Variants in HMGXB3 observed in about 807,000 individuals in gnomAD.
HMGXB3 encodes the protein HMG-box containing 3.
A neutral mutation model predicts 121.5 loss-of-function variants in HMGXB3; 45 were observed. The observed-to-expected ratio is 0.37, with a 90% CI of 0.29 to 0.47. The LOEUF (loss-of-function observed/expected upper bound fraction) is 0.47, where lower values mean the gene tolerates loss of function less well. Ranked by LOEUF, HMGXB3 falls within the 20% of genes least tolerant of loss-of-function variation. The pLI, the probability that HMGXB3 is intolerant of heterozygous loss-of-function variation, is 0.99. For synonymous variants in HMGXB3, 590 were observed against 624.1 expected (o/e 0.95, Z 0.81); for missense variants, 1,376 against 1,602.2 (o/e 0.86, Z 2.41).
chr5:150,047,771 G>C lies in HMGXB3; in HGVS notation c.3084+14G>C. 1 of 1,551,684 alleles carries C rather than the reference G, an allele frequency of 6.4e-7. No homozygotes were observed. Among genetic ancestry groups the C allele is most frequent in the Non-Finnish European group, 8.7e-7 (1 of 1,146,936 alleles). On this transcript the variant is annotated intron_variant, in intron 17 of 19. Coordinates refer to ENST00000502717, the MANE Select transcript of HMGXB3 (RefSeq NM_014983.3). The stretch of plus-strand genomic sequence containing the variant: ...GAAGACTCCAAGGTGAGTGTCAAGG[G>C]CAGTGGTGGATATCGGGGCTTCTGG...
intron 3 of HMGXB3, 85 bp from the exon 4 acceptor site, chr5:150,010,026 C>CAT (rs1009777430): frequency 5.0e-4 from 672 of 1,356,612 alleles, no homozygotes; most frequent in East Asian, 3.8e-3. Flanking sequence ...AGAACTTACA[C>CAT]ATATATATAT....
intron 13 of HMGXB3, among the ~76,000 whole-genome samples, chr5:150,038,378 C>T (rs1342452388): frequency 1.3e-5 from 2 of 152,168 alleles, no homozygotes; most frequent in Non-Finnish European, 2.9e-5. Context: ...CTCTTGCCAA[C>T]AGTTAACAAA....
intron 5 of HMGXB3, among the ~76,000 whole-genome samples, chr5:150,015,500 C>G (rs1755939703): frequency 6.6e-6 from 1 of 152,158 alleles, no homozygotes; most frequent in Non-Finnish European, 1.5e-5. Flanking sequence ...GTTGCCCAGG[C>G]TGGTCTTAGA....
chr5:150,024,798 A>G, intron 7 of HMGXB3, 118 bp downstream of exon 7: 1 of 873,042 alleles, frequency 1.1e-6, no homozygotes, highest in African/African-American at 1.7e-5. Context: ...TTCCTGTTTT[A>G]GAGATACAGA....
chr5:150,047,657 A>G lies in HMGXB3; in HGVS notation c.2984A>G (p.Glu995Gly), dbSNP rs1581267815. 2 of 1,551,706 alleles carry G rather than the reference A, an allele frequency of 1.3e-6. No individual in the cohort carries two copies. Among genetic ancestry groups the G allele is most frequent in the Non-Finnish European group, 1.7e-6 (2 of 1,146,996 alleles). Residue 995 changes from glutamate to glycine, a missense_variant, in exon 17 of 20, where the codon GAG becomes GGG. Glu to Gly is a moderately conservative substitution (Grantham distance 98). Transcript: ENST00000502717. ...AGTGCCTTGGTGAGGCTGCTCCAGGAGGGCACCTGCAAGCTTGATGAGATT... is the reference window on the plus strand; with the variant it reads ...AGTGCCTTGGTGAGGCTGCTCCAGGGGGGCACCTGCAAGCTTGATGAGATT... ...SGSALVRLLQ[E>G]GTCKLDEIGS... is the part of the protein sequence containing the mutation.
chr5:150,014,243 C>G (rs1755910615), intron 5 of HMGXB3, among the ~76,000 whole-genome samples: 1 of 152,216 alleles, frequency 6.6e-6, no homozygotes, highest in Non-Finnish European at 1.5e-5. Flanking sequence ...ATGGGATTTG[C>G]AGTCCCTATG....
chr5:150,015,201 T>C, intron 5 of HMGXB3: 1 of 262,610 alleles, frequency 3.8e-6, no homozygotes, highest in Non-Finnish European at 7.2e-6. Flanking sequence ...TCACGTGTGT[T>C]CTTCACTGCC....
rs1468155899 is a variant in HMGXB3 at position 150,024,685 on chromosome 5, G to A, written c.1460+5G>A. ...TGCTCCTAAAAAACCTACAGGGTAAGTCAGTGTGTTTGTATAATATAGGGC... is the reference window on the plus strand; with the variant it reads ...TGCTCCTAAAAAACCTACAGGGTAAATCAGTGTGTTTGTATAATATAGGGC... On this transcript the variant is annotated splice_donor_5th_base_variant and intron_variant, in intron 7 of 19. Transcript: ENST00000502717. The A allele has an allele frequency of 6.5e-7, 1 of 1,535,196 alleles. No individual in the cohort carries two copies. The highest frequency in any genetic ancestry group is 2.0e-5 in the Admixed American group (1 of 48,948).
chr5:150,032,352 A>C, intron 10 of HMGXB3, 102 bp from the exon 11 acceptor site: 4 of 1,074,440 alleles, frequency 3.7e-6, no homozygotes, highest in Non-Finnish European at 4.0e-6. Context: ...TGCAGTTGCC[A>C]CTCTCTTCTC....
At chr5:150,009,909 T>C (rs992241327) in intron 3 of HMGXB3, among the ~76,000 whole-genome samples, 6 of 152,140 alleles carry the variant, frequency 3.9e-5, no homozygotes, top group Non-Finnish European at 5.9e-5. Context: ...CTACATTGGC[T>C]AAAGTGTGAT....
At chr5:150,048,454 G>T in intron 17 of HMGXB3, 115 bp from the exon 18 acceptor site, 1 of 764,470 alleles carries the variant, frequency 1.3e-6, no homozygotes, top group South Asian at 1.5e-5. Flanking sequence ...GGCCCGCTCT[G>T]ACCCAGGCAG....
intron 1 of HMGXB3, among the ~76,000 whole-genome samples, chr5:150,004,416 G>A (rs900254030): frequency 6.6e-6 from 1 of 152,168 alleles, no homozygotes; most frequent in Non-Finnish European, 1.5e-5. Context: ...ATGAAACATA[G>A]GAGGAATGGG....
In HMGXB3 at chr5:150,052,055, A is replaced by T. The variant is rs1244893682; in HGVS notation, c.3742A>T (p.Ile1248Phe). The T allele has an allele frequency of 6.4e-7, 1 of 1,551,846 alleles. No individual in the cohort carries two copies. Among genetic ancestry groups the T allele is most frequent in the Non-Finnish European group, 8.7e-7 (1 of 1,147,066 alleles). ...CAGCCGCGAAATTGTCAATCGTCAG[A>T]TCCATGACATTGTACAGAGCTGCCA... ...LTSREIVNRQ[I>F]HDIVQSCQPG... The change falls in exon 20 of 20, where the codon ATC (isoleucine) becomes TTC (phenylalanine). Residue 1248 changes from isoleucine (I) to phenylalanine (F), a missense_variant. Ile to Phe is a conservative substitution (Grantham distance 21). Transcript: ENST00000502717.
At chr5:150,021,983 AGCAGGAGCGG>A (rs1051880901) in intron 6 of HMGXB3, 10 of 415,012 alleles carry the variant, frequency 2.4e-5, no homozygotes, top group African/African-American at 1.0e-4. Context: ...GTGAGTCAGG[AGCAGGAGCGG>A]GCAGGAGCGG....
intron 3 of HMGXB3, among the ~76,000 whole-genome samples, chr5:150,009,486 C>A (rs748535497): frequency 6.6e-6 from 1 of 152,120 alleles, no homozygotes; most frequent in Non-Finnish European, 1.5e-5. Flanking sequence ...TATATACTTT[C>A]TGTCACGAAG....
chr5:150,008,515 A>G (rs1183965833), intron 3 of HMGXB3, among the ~76,000 whole-genome samples: 1 of 152,256 alleles, frequency 6.6e-6, no homozygotes, highest in Non-Finnish European at 1.5e-5. Context: ...CCTGGAATGT[A>G]GTAAGACTGA....
intron 11 of HMGXB3, among the ~76,000 whole-genome samples, chr5:150,036,046 A>T (rs1030939803): frequency 6.6e-6 from 1 of 152,220 alleles, no homozygotes; most frequent in Non-Finnish European, 1.5e-5. Flanking sequence ...CAGATGAGGA[A>T]ATTGAGACTC....
chr5:150,052,299 G>A lies in HMGXB3; in HGVS notation c.*107G>A. On this transcript the variant is annotated 3_prime_UTR_variant, in exon 20 of 20. Coordinates refer to ENST00000502717, the MANE Select transcript of HMGXB3 (RefSeq NM_014983.3). Reference sequence around the variant, plus strand: ...GCAGAAGTGGTCTCCTGTGGGGAGGGCCTCTGACTGCTGGGACTGACCAAA... The same window carrying A: ...GCAGAAGTGGTCTCCTGTGGGGAGGACCTCTGACTGCTGGGACTGACCAAA... The A allele has an allele frequency of 1.1e-6, 1 of 870,680 alleles. No individual in the cohort carries two copies. The highest frequency in any genetic ancestry group is 1.7e-6 in the Non-Finnish European group (1 of 574,362). The allele number at this position is 870,680 out of a possible 1,614,324, so 53.9% of individuals were successfully genotyped here.
chr5:150,047,374 C>G, intron 16 of HMGXB3: 1 of 461,762 alleles, frequency 2.2e-6, no homozygotes. Flanking sequence ...TAAAAGCTGA[C>G]TTATTTTAGG....
Sources: allele counts gnomAD v4.1 joint callset (sites outside exome capture counted in the v4.1 genomes callset), GRCh38; gene constraint gnomAD v4.1.1; transcripts MANE v1.5; gene names NCBI Gene and HGNC (gene_info 2026-07-23, HGNC 2026-07-21).